Variants in SVIL observed in about 807,000 individuals in gnomAD.
The protein encoded by SVIL is archvillin.
A neutral mutation model predicts 240.4 loss-of-function variants in SVIL; 101 were observed. The ratio of observed to expected loss-of-function variants is 0.42; its 90% CI spans 0.36 to 0.50. SVIL has a LOEUF of 0.50. SVIL is among the 20% of genes least tolerant of loss of function. The probability of loss-of-function intolerance (pLI) is 0.01; values close to 1 mark genes in which losing one functional copy is unlikely to be tolerated. For missense variants in SVIL, 2,512 were observed against 2,818.7 expected (o/e 0.89, Z 2.46); for synonymous variants, 999 against 1,100.0 (o/e 0.91, Z 1.82).
intron 1 of SVIL, among the ~76,000 whole-genome samples, chr10:29,709,266 G>A (rs111399679): frequency 2.8e-4 from 42 of 152,296 alleles, no homozygotes; most frequent in African/African-American, 1.0e-3. Context: ...CCAAAACTCT[G>A]ACACCCTAAG....
chr10:29,549,560 G>A (rs1184376407), intron 6 of SVIL, among the ~76,000 whole-genome samples: 1 of 146,686 alleles, frequency 6.8e-6, no homozygotes, highest in Non-Finnish European at 1.5e-5. Context: ...CTGCTATAAA[G>A]ACACATGCAC....
chr10:29,582,667 G>A (rs1955995790), intron 1 of SVIL, among the ~76,000 whole-genome samples: 1 of 151,844 alleles, frequency 6.6e-6, no homozygotes, highest in African/African-American at 2.4e-5. Context: ...AGAAATTTGA[G>A]GCTGTGGTGA....
chr10:29,641,939 T>C (rs1402734748), intron 3 of SVIL, among the ~76,000 whole-genome samples: 2 of 152,156 alleles, frequency 1.3e-5, no homozygotes, highest in Non-Finnish European at 2.9e-5. Flanking sequence ...GCCTGTTGGG[T>C]ACATTCCAAA....
intron 2 of SVIL, among the ~76,000 whole-genome samples, chr10:29,567,878 C>G (rs981853320): frequency 7.2e-5 from 11 of 151,864 alleles, no homozygotes; most frequent in Admixed American, 1.3e-4. Flanking sequence ...TTAGCTGGGC[C>G]TGGTGGCGGG....
chr10:29,544,749 T>A (rs1024110381), intron 6 of SVIL, among the ~76,000 whole-genome samples: 3 of 128,710 alleles, frequency 2.3e-5, no homozygotes, highest in African/African-American at 9.0e-5. Flanking sequence ...GAGTGAGACC[T>A]TTTCTAAAAA....
At chr10:29,699,211 C>T (rs1181518328) in intron 1 of SVIL, among the ~76,000 whole-genome samples, 1 of 152,300 alleles carries the variant, frequency 6.6e-6, no homozygotes, top group East Asian at 1.9e-4. Flanking sequence ...TCACTGAAGC[C>T]TCCAACTCCT....
At chr10:29,466,988 T>A (rs2132292691) in intron 33 of SVIL, among the ~76,000 whole-genome samples, 1 of 152,322 alleles carries the variant, frequency 6.6e-6, no homozygotes, top group Non-Finnish European at 1.5e-5. Flanking sequence ...GCAAGTTGAT[T>A]AACTTCTGTA....
intron 1 of SVIL, among the ~76,000 whole-genome samples, chr10:29,715,515 C>T (rs1365579095): frequency 6.6e-6 from 1 of 152,186 alleles, no homozygotes; most frequent in East Asian, 1.9e-4. Flanking sequence ...GGTTAGTAAC[C>T]CATGGGAAGA....
chr10:29,620,970 T>A (rs932384657), intron 1 of SVIL, among the ~76,000 whole-genome samples: 3 of 138,788 alleles, frequency 2.2e-5, no homozygotes, highest in African/African-American at 8.7e-5. Context: ...TTCTTAAAAT[T>A]TTTTTTTTTT....
At chr10:29,462,226 C>T in intron 36 of SVIL, 51 bp downstream of exon 36, 3 of 1,579,486 alleles carry the variant, frequency 1.9e-6, no homozygotes, top group Non-Finnish European at 2.6e-6. Context: ...AGTTAACCCA[C>T]AATCCAAAAG....
chr10:29,679,846 C>A (rs1490111988), intron 2 of SVIL, among the ~76,000 whole-genome samples: 2 of 151,154 alleles, frequency 1.3e-5, no homozygotes, highest in African/African-American at 4.9e-5. Context: ...ATATCCATGT[C>A]ACAAACCTGT....
intron 1 of SVIL, among the ~76,000 whole-genome samples, chr10:29,619,857 G>C (rs932284274): frequency 6.6e-6 from 1 of 152,054 alleles, no homozygotes; most frequent in Admixed American, 6.6e-5. Flanking sequence ...TTTTTAAAAA[G>C]ATTATTGCAA....
intron 1 of SVIL, among the ~76,000 whole-genome samples, chr10:29,713,823 C>A (rs970018174): frequency 2.6e-5 from 4 of 152,174 alleles, no homozygotes; most frequent in African/African-American, 9.6e-5. Context: ...GGGAGAGTTT[C>A]CAGTTCAAAG....
intron 13 of SVIL, among the ~76,000 whole-genome samples, chr10:29,525,578 C>T (rs562623329): frequency 1.2e-4 from 18 of 152,070 alleles, no homozygotes; most frequent in East Asian, 3.9e-4. Context: ...GAAGCCTGGG[C>T]GACAGAGCAA....
intron 2 of SVIL, among the ~76,000 whole-genome samples, chr10:29,676,932 G>C (rs1208166542): frequency 1.3e-5 from 2 of 152,132 alleles, no homozygotes; most frequent in African/African-American, 4.8e-5. Flanking sequence ...CAGGTCATCA[G>C]AACCCATCTG....
intron 13 of SVIL, among the ~76,000 whole-genome samples, chr10:29,525,443 A>G (rs1457014059): frequency 7.2e-5 from 11 of 152,086 alleles, no homozygotes; most frequent in Admixed American, 6.6e-4. Context: ...GTGAAACCCC[A>G]TCTCTACAAA....
At chr10:29,576,395 T>C (rs1955698050) in intron 1 of SVIL, among the ~76,000 whole-genome samples, 1 of 152,212 alleles carries the variant, frequency 6.6e-6, no homozygotes, top group Non-Finnish European at 1.5e-5. Context: ...GGTCTACATA[T>C]AGAAGTTAAC....
chr10:29,691,305 A>G lies in SVIL; in HGVS notation c.-399-4654T>C, dbSNP rs201454005. Among the ~76,000 whole-genome samples the G allele has an allele frequency of 7.4e-5, 11 of 149,638 alleles. No homozygotes were observed. In the East Asian group the frequency reaches 1.4e-3, roughly 19 times the overall value. The stretch of plus-strand genomic sequence containing the variant: ...CGGCTCACTGCAAGCTCCACCTCCC[A>G]GGTTCACGCCATTCTCCAGCCTCAG... On this transcript the variant is annotated intron_variant, in intron 1 of 35. Coordinates refer to the SVIL transcript ENST00000375400.
chr10:29,532,642 G>C lies in SVIL; in HGVS notation c.1725C>G (p.Ser575Arg). The change falls in exon 8 of 38, where the codon AGC becomes AGG. Residue 575 changes from serine (S) to arginine (R), a missense_variant. Physicochemically the swap from Ser to Arg is moderately radical, Grantham distance 110 (BLOSUM62 -1). Coordinates refer to ENST00000355867, the MANE Select transcript of SVIL (RefSeq NM_021738.3). ...CCCCATAAGGCCCTTCGGTCTTGGA[G>C]CTGGGCAGCTCCAGCTCTCTCCTGG... is the stretch of plus-strand genomic sequence containing the variant. ...PASRRELELP[S>R]SKTEGPYGEI... 6.2e-7 allele frequency: 1 copy of C among 1,614,222 alleles called. No homozygotes were observed. The highest frequency in any genetic ancestry group is 1.3e-5 in the African/African-American group (1 of 75,060).
Sources: allele counts gnomAD v4.1 joint callset (sites outside exome capture counted in the v4.1 genomes callset), GRCh38; gene constraint gnomAD v4.1.1; transcripts MANE v1.5; gene names NCBI Gene and HGNC (gene_info 2026-07-23, HGNC 2026-07-21).